The following BCKDHB variants were observed in gnomAD, a reference collection of about 807,000 sequenced individuals.
The protein encoded by BCKDHB is branched chain keto acid dehydrogenase E1 subunit beta, also known as 2-oxoisovalerate dehydrogenase subunit beta, mitochondrial.
Under a neutral mutation model 48.5 loss-of-function variants are expected in BCKDHB, and 41 were observed. The ratio of observed to expected loss-of-function variants is 0.85; its 90% CI spans 0.66 to 1.10. BCKDHB has a LOEUF of 1.10. Ranked by LOEUF, BCKDHB falls within the 50% of genes least tolerant of loss-of-function variation. BCKDHB has a pLI of 0.00. For synonymous variants in BCKDHB, 201 were observed against 174.8 expected, an observed-to-expected ratio of 1.15 and a Z score of -1.18; for missense variants, 496 against 494.2, an observed-to-expected ratio of 1.00 and a Z score of -0.03.
the BCKDHB span, among the ~76,000 whole-genome samples, chr6:80,414,012 A>T: frequency 6.6e-6 from 1 of 152,122 alleles, no homozygotes; most frequent in African/African-American, 2.4e-5. Flanking sequence ...GTGAGATGGT[A>T]TCTCGTTGTA....
At chr6:80,405,500 A>T in the BCKDHB span, among the ~76,000 whole-genome samples, 289 of 152,098 alleles carry the variant, frequency 1.9e-3, 1 homozygote, top group Non-Finnish European at 3.2e-3. Flanking sequence ...ATGCCTTTTG[A>T]TTGGAGAATT....
chr6:80,342,213 G>T (rs758406925), intron 9 of BCKDHB, among the ~76,000 whole-genome samples: 35 of 152,028 alleles, frequency 2.3e-4, no homozygotes, highest in Non-Finnish European at 4.6e-4. Flanking sequence ...ATTCCTTCAT[G>T]TAAAAATTTT....
intron 9 of BCKDHB, among the ~76,000 whole-genome samples, chr6:80,336,504 C>CA (rs1212776239): frequency 3.6e-3 from 369 of 101,998 alleles, no homozygotes; most frequent in Middle Eastern, 0.01. Flanking sequence ...ACCAAAAAAA[C>CA]AAAAAAAAAC....
At chr6:80,306,577 A>C (rs990723262) in intron 9 of BCKDHB, among the ~76,000 whole-genome samples, 1 of 152,230 alleles carries the variant, frequency 6.6e-6, no homozygotes, top group Non-Finnish European at 1.5e-5. Flanking sequence ...GAAATCAGTT[A>C]ATTAAAAACC....
intron 8 of BCKDHB, among the ~76,000 whole-genome samples, chr6:80,213,705 A>C (rs1362320239): frequency 1.3e-5 from 2 of 150,424 alleles, no homozygotes. Context: ...TTAGAAAATG[A>C]TAGAGAAAAT....
intron 6 of BCKDHB, among the ~76,000 whole-genome samples, chr6:80,190,235 A>G (rs764380406): frequency 2.0e-5 from 3 of 152,314 alleles, no homozygotes; most frequent in South Asian, 2.1e-4. Flanking sequence ...GATTAGTCTC[A>G]GGAAAAACAG....
At chr6:80,433,238 T>G in the BCKDHB span, among the ~76,000 whole-genome samples, 1 of 152,124 alleles carries the variant, frequency 6.6e-6, no homozygotes, top group African/African-American at 2.4e-5. Flanking sequence ...CGGGGACGTA[T>G]AAGTCTGCTG....
intron 9 of BCKDHB, among the ~76,000 whole-genome samples, chr6:80,282,467 G>T (rs1205354232): frequency 6.6e-6 from 1 of 152,032 alleles, no homozygotes; most frequent in Non-Finnish European, 1.5e-5. Flanking sequence ...TCTCAGTGTT[G>T]TTCGTTCGAT....
chr6:80,228,759 T>A (rs186053255), intron 8 of BCKDHB, among the ~76,000 whole-genome samples: 13 of 152,300 alleles, frequency 8.5e-5, no homozygotes, highest in Admixed American at 7.8e-4. Context: ...TGTGCAGGCA[T>A]GTGTGTAGAG....
At chr6:80,439,073 G>T in the BCKDHB span, among the ~76,000 whole-genome samples, 1 of 152,180 alleles carries the variant, frequency 6.6e-6, no homozygotes, top group Non-Finnish European at 1.5e-5. Context: ...GCCACATACA[G>T]AAAACATCTT....
intron 9 of BCKDHB, among the ~76,000 whole-genome samples, chr6:80,301,144 A>G (rs907771813): frequency 2.6e-5 from 4 of 152,116 alleles, no homozygotes; most frequent in African/African-American, 9.7e-5. Flanking sequence ...AAGGAAAAAA[A>G]AAGAACAACC....
intron 9 of BCKDHB, among the ~76,000 whole-genome samples, chr6:80,342,576 A>G (rs1215483108): frequency 1.4e-5 from 2 of 141,604 alleles, no homozygotes; most frequent in Non-Finnish European, 3.2e-5. Context: ...AAAAAAAAAA[A>G]AAAGAAAGGG....
intron 9 of BCKDHB, among the ~76,000 whole-genome samples, chr6:80,312,690 T>C (rs76289432): frequency 6.6e-6 from 1 of 152,286 alleles, no homozygotes; most frequent in African/African-American, 2.4e-5. Context: ...GAGATAATCA[T>C]GTGGTTTTTG....
At chr6:80,191,796 G>A (rs915597005) in intron 6 of BCKDHB, among the ~76,000 whole-genome samples, 1 of 152,174 alleles carries the variant, frequency 6.6e-6, no homozygotes, top group Non-Finnish European at 1.5e-5. Flanking sequence ...GTGGGGAAGT[G>A]GGAAATCACA....
intron 8 of BCKDHB, among the ~76,000 whole-genome samples, chr6:80,269,673 A>G (rs902447514): frequency 6.6e-6 from 1 of 152,144 alleles, no homozygotes. Context: ...TCATCCTGAA[A>G]AGTTGTTTAA....
chr6:80,412,611 C>CGCCGGGG, the BCKDHB span, among the ~76,000 whole-genome samples: 2 of 152,170 alleles, frequency 1.3e-5, no homozygotes, highest in African/African-American at 4.8e-5. Context: ...TTACCTTCAT[C>CGCCGGGG]CATGAGTTGT....
chr6:80,233,913 A>C (rs1776036837), intron 8 of BCKDHB, among the ~76,000 whole-genome samples: 1 of 152,170 alleles, frequency 6.6e-6, no homozygotes. Flanking sequence ...CATAGAAGAC[A>C]GTTTTTCCAC....
At chr6:80,399,794 C>T in the BCKDHB span, among the ~76,000 whole-genome samples, 1 of 152,032 alleles carries the variant, frequency 6.6e-6, no homozygotes, top group Non-Finnish European at 1.5e-5. Context: ...CGAAGGCAAT[C>T]CTAGCAAAAA....
intron 8 of BCKDHB, among the ~76,000 whole-genome samples, chr6:80,228,124 C>T (rs1004112435): frequency 3.3e-5 from 5 of 152,182 alleles, no homozygotes; most frequent in African/African-American, 1.2e-4. Flanking sequence ...TGACTTCCCA[C>T]AGGAAAATTT....
Sources: allele counts gnomAD v4.1 joint callset (sites outside exome capture counted in the v4.1 genomes callset), GRCh38; gene constraint gnomAD v4.1.1; transcripts MANE v1.5; gene names NCBI Gene and HGNC (gene_info 2026-07-23, HGNC 2026-07-21).